The following WWOX variants were observed in gnomAD, a reference collection of about 807,000 sequenced individuals.
WWOX encodes the protein WW domain containing oxidoreductase.
In WWOX, 69 loss-of-function variants were observed where a neutral mutation model predicts 46.2. The observed-to-expected ratio is 1.49, with a 90% CI of 1.23 to 1.82. The LOEUF (loss-of-function observed/expected upper bound fraction) is 1.82. Among genes scored for constraint, WWOX ranks in the 40% most tolerant of loss-of-function variants. WWOX has a pLI of 0.00. For missense variants in WWOX, 919 were observed against 542.6 expected, an observed-to-expected ratio of 1.69 and a Z score of -6.89; for synonymous variants, 359 against 202.6, an observed-to-expected ratio of 1.77 and a Z score of -6.56.
chr16:78,399,767 T>G (rs1295363178), intron 6 of WWOX, among the ~76,000 whole-genome samples: 1 of 152,046 alleles, frequency 6.6e-6, no homozygotes, highest in Non-Finnish European at 1.5e-5. Flanking sequence ...CTAACCACCC[T>G]CATTGTCACT....
intron 5 of WWOX, among the ~76,000 whole-genome samples, chr16:78,335,110 C>G (rs895065829): frequency 6.6e-6 from 1 of 152,068 alleles, no homozygotes; most frequent in Non-Finnish European, 1.5e-5. Context: ...TGGGGTGGGG[C>G]CTGCAGTCTG....
intron 8 of WWOX, among the ~76,000 whole-genome samples, chr16:78,634,146 G>C (rs1346691894): frequency 6.6e-6 from 1 of 152,028 alleles, no homozygotes; most frequent in Non-Finnish European, 1.5e-5. Flanking sequence ...TGTACATTTG[G>C]AATAAAAATT....
At chr16:79,189,780 G>T (rs1567607242) in intron 8 of WWOX, among the ~76,000 whole-genome samples, 1 of 151,722 alleles carries the variant, frequency 6.6e-6, no homozygotes, top group Non-Finnish European at 1.5e-5. Context: ...ATACACAGTT[G>T]TTACCTGCTC....
chr16:78,420,580 G>A (rs2082901680), intron 6 of WWOX, among the ~76,000 whole-genome samples: 1 of 151,420 alleles, frequency 6.6e-6, no homozygotes, highest in Admixed American at 6.6e-5. Context: ...CGAATCTATA[G>A]GACAGAAAGT....
intron 8 of WWOX, among the ~76,000 whole-genome samples, chr16:78,527,147 G>C (rs931974425): frequency 6.6e-6 from 1 of 152,080 alleles, no homozygotes; most frequent in African/African-American, 2.4e-5. Flanking sequence ...TGGGCAAAAA[G>C]AGCGGGGTAA....
intron 8 of WWOX, among the ~76,000 whole-genome samples, chr16:78,820,078 A>C (rs950887664): frequency 1.3e-5 from 2 of 152,184 alleles, no homozygotes; most frequent in Non-Finnish European, 2.9e-5. Context: ...CATCGTTATC[A>C]TTCCTTTGAT....
intron 8 of WWOX, among the ~76,000 whole-genome samples, chr16:78,637,595 C>G (rs1429805374): frequency 6.6e-6 from 1 of 152,182 alleles, no homozygotes; most frequent in Admixed American, 6.6e-5. Flanking sequence ...CCTTTCCTTA[C>G]TCACTGACAT....
intron 8 of WWOX, among the ~76,000 whole-genome samples, chr16:78,972,852 C>G (rs751350795): frequency 8.5e-5 from 13 of 152,114 alleles, no homozygotes; most frequent in Non-Finnish European, 1.8e-4. Flanking sequence ...TAAATCTGTC[C>G]TCTGAACTTA....
At chr16:79,166,095 A>G (rs2050589201) in intron 8 of WWOX, among the ~76,000 whole-genome samples, 2 of 152,256 alleles carry the variant, frequency 1.3e-5, no homozygotes, top group South Asian at 4.1e-4. Flanking sequence ...CTCCCAGCGT[A>G]GTCTTCAGAC....
At chr16:78,661,015 A>G (rs749043370) in intron 8 of WWOX, among the ~76,000 whole-genome samples, 2 of 152,172 alleles carry the variant, frequency 1.3e-5, no homozygotes, top group African/African-American at 2.4e-5. Flanking sequence ...ATGTCTTACT[A>G]TTACACATGA....
At chr16:78,129,331 G>C (rs1018466949) in intron 4 of WWOX, among the ~76,000 whole-genome samples, 1 of 152,096 alleles carries the variant, frequency 6.6e-6, no homozygotes, top group Non-Finnish European at 1.5e-5. Context: ...TTAATTATTG[G>C]GAAGGTGTAT....
At chr16:78,197,118 C>T (rs1205824398) in intron 5 of WWOX, among the ~76,000 whole-genome samples, 1 of 152,138 alleles carries the variant, frequency 6.6e-6, no homozygotes, top group South Asian at 2.1e-4. Context: ...ATTCCTTATT[C>T]CTTGGTACCT....
intron 8 of WWOX, among the ~76,000 whole-genome samples, chr16:79,005,589 G>A (rs2047174780): frequency 6.6e-6 from 1 of 152,144 alleles, no homozygotes; most frequent in Non-Finnish European, 1.5e-5. Flanking sequence ...TTTGGGGCAT[G>A]TTGTCACCTC....
chr16:78,693,091 C>A (rs1211605759), intron 8 of WWOX, among the ~76,000 whole-genome samples: 1 of 152,180 alleles, frequency 6.6e-6, no homozygotes, highest in African/African-American at 2.4e-5. Flanking sequence ...AGATCTCTTT[C>A]CTTGGAAGGT....
chr16:78,581,324 A>T (rs1204007742), intron 8 of WWOX, among the ~76,000 whole-genome samples: 1 of 152,188 alleles, frequency 6.6e-6, no homozygotes, highest in African/African-American at 2.4e-5. Flanking sequence ...TAGCTGAGAA[A>T]ATGGGTTAGC....
chr16:78,610,910 A>G (rs72805009), intron 8 of WWOX, among the ~76,000 whole-genome samples: 7,742 of 152,246 alleles, frequency 0.051, 285 homozygotes, highest in Non-Finnish European at 0.075. Flanking sequence ...ACAATTTCTC[A>G]TTAAGCACAG....
Position 78,975,168 on chromosome 16 carries a change from A to C in WWOX, c.1057-236440A>C, listed in dbSNP as rs576819885. Among the ~76,000 whole-genome samples, 3 of 152,316 alleles carry C rather than the reference A, an allele frequency of 2.0e-5. No homozygotes were observed. In the South Asian group the frequency reaches 6.2e-4, roughly 32 times the overall value. On this transcript the variant is annotated intron_variant, in intron 8 of 8. Transcript: ENST00000566780. ...TAAAAAGTCAACATTGTTATGTTTT[A>C]CTTAGTTATGACTTAGTGAACACCT...
At chr16:79,181,930 A>G (rs2050919962) in intron 8 of WWOX, among the ~76,000 whole-genome samples, 1 of 152,298 alleles carries the variant, frequency 6.6e-6, no homozygotes, top group African/African-American at 2.4e-5. Context: ...TAATTTTACA[A>G]ACATCATTCG....
intron 5 of WWOX, among the ~76,000 whole-genome samples, chr16:78,176,074 C>A (rs1380454609): frequency 1.3e-5 from 2 of 152,192 alleles, no homozygotes; most frequent in African/African-American, 2.4e-5. Flanking sequence ...CATTTCTGCA[C>A]ACCTCTTAAT....
Sources: gnomAD v4.1 joint callset for allele counts (sites outside exome capture counted in the v4.1 genomes callset) on GRCh38, gnomAD v4.1.1 for gene constraint, MANE v1.5 for transcripts, NCBI Gene and HGNC (gene_info 2026-07-23, HGNC 2026-07-21) for gene names.